NUDCD1: variants seen among roughly 807,000 people sequenced by gnomAD.
NUDCD1 encodes NudC domain containing 1.
A neutral mutation model predicts 67.8 loss-of-function variants in NUDCD1; 60 were observed. The ratio of observed to expected loss-of-function variants is 0.88; its 90% CI spans 0.72 to 1.10. The LOEUF is 1.10. NUDCD1 is among the 50% of genes least tolerant of loss of function. The pLI, the probability that NUDCD1 is intolerant of heterozygous loss-of-function variation, is 0.00. For synonymous variants in NUDCD1, 244 were observed against 230.8 expected (o/e 1.06, Z -0.52); for missense variants, 643 against 695.0 (o/e 0.93, Z 0.84).
rs1221650634 is a variant in NUDCD1 at position 109,333,999 on chromosome 8, C to T, written c.12G>A (p.Ala4=). The change falls in exon 1 of 10, where the codon GCG becomes GCA. Residue 4 remains alanine (A), a synonymous_variant. Coordinates refer to ENST00000239690, the MANE Select transcript of NUDCD1 (RefSeq NM_032869.4). MEV[A]ANCSLRVKRP... ...TCTTCACCCGTAGGGAGCAATTAGCCGCCACCTCCATCGCTTTCCAGGGCC... is the reference window on the plus strand; with the variant it reads ...TCTTCACCCGTAGGGAGCAATTAGCTGCCACCTCCATCGCTTTCCAGGGCC... 1 of 1,614,046 alleles carries T rather than the reference C, an allele frequency of 6.2e-7. No homozygotes were observed.
chr8:109,246,669 C>T (rs1187630803), intron 8 of NUDCD1, among the ~76,000 whole-genome samples: 2 of 152,132 alleles, frequency 1.3e-5, no homozygotes, highest in East Asian at 3.8e-4. Context: ...TAAGGATAGT[C>T]TTCTTTATGA....
rs1274423963 is a variant in NUDCD1, at chr8:109,243,215, G to A, written c.1546C>T (p.Arg516Ter). 5.6e-6 allele frequency: 9 copies of A among 1,613,490 alleles called. No homozygotes were observed. Among genetic ancestry groups the A allele is most frequent in the Admixed American group, 1.7e-5 (1 of 59,980 alleles). ...GCAGGCTGACGATAGATGAATACTCGACGAAGGCACTCACAAAGGGCTGCA... is the reference window on the plus strand; with the variant it reads ...GCAGGCTGACGATAGATGAATACTCAACGAAGGCACTCACAAAGGGCTGCA... ...SYAALCECLR[R>*]VFIYRQPAPM... is the part of the protein sequence containing the mutation. Residue 516 changes from arginine (R) to a stop codon, truncating the protein, a stop_gained, in exon 10 of 10, where the codon CGA (arginine) becomes TGA (stop). Transcript: ENST00000239690. LOFTEE classifies it high-confidence loss of function.
In NUDCD1 at chr8:109,266,514, G is replaced by A. The variant is rs867086994; in HGVS notation, c.1299+4491C>T. Among the ~76,000 whole-genome samples, 34 of 151,396 alleles carry A rather than the reference G, an allele frequency of 2.2e-4. 1 individual carries two copies. The South Asian group carries it at 3.5e-3, about 16-fold the overall frequency. ...CCACCTCGGCCTCCCAAAGTGCTGG[G>A]ATTACAGGTGTGAGCCACCTCGCCC... On this transcript the variant is annotated intron_variant, in intron 8 of 9. Transcript: ENST00000239690.
chr8:109,319,438 C>A (rs879398444), intron 2 of NUDCD1, among the ~76,000 whole-genome samples: 2 of 152,188 alleles, frequency 1.3e-5, no homozygotes, highest in Non-Finnish European at 2.9e-5. Context: ...AGCGTATCAA[C>A]CTCTAGAATA....
intron 5 of NUDCD1, among the ~76,000 whole-genome samples, chr8:109,287,560 A>ATCCT (rs1281068242): frequency 2.6e-5 from 4 of 152,082 alleles, no homozygotes; most frequent in African/African-American, 7.2e-5. Flanking sequence ...ATACCACATG[A>ATCCT]CCTCACTTAT....
At chr8:109,270,542 C>T (rs1397815639) in intron 8 of NUDCD1, among the ~76,000 whole-genome samples, 1 of 152,066 alleles carries the variant, frequency 6.6e-6, no homozygotes, top group Non-Finnish European at 1.5e-5. Flanking sequence ...GAAAAGGCTT[C>T]ATATGACAGA....
intron 1 of NUDCD1, among the ~76,000 whole-genome samples, chr8:109,323,046 G>T (rs1815580025): frequency 6.6e-6 from 1 of 152,172 alleles, no homozygotes; most frequent in Non-Finnish European, 1.5e-5. Context: ...ACAGAACAGA[G>T]ATTTCTTCAC....
rs377660743 is a variant in NUDCD1, at chr8:109,321,185, G to A, written c.273+1124C>T. Among the ~76,000 whole-genome samples, 313 of 152,254 alleles carry A rather than the reference G, an allele frequency of 2.1e-3. 6 individuals are homozygous for A. In the South Asian group the frequency reaches 0.031, roughly 15 times the overall value. The stretch of plus-strand genomic sequence containing the variant: ...ACTCTGTAGATGCAATGCGCAGGAG[G>A]GCTAGAAGGAATAGAGTACTTAGGA... On this transcript the variant is annotated intron_variant, in intron 2 of 9. Coordinates refer to ENST00000239690, the MANE Select transcript of NUDCD1 (RefSeq NM_032869.4).
Position 109,281,164 on chromosome 8 carries a change from A to T in NUDCD1, c.832T>A (p.Tyr278Asn). 1 of 1,609,782 alleles carries T rather than the reference A, an allele frequency of 6.2e-7. No individual in the cohort carries two copies. Among genetic ancestry groups the T allele is most frequent in the Non-Finnish European group, 8.5e-7 (1 of 1,176,952 alleles). The change falls in exon 6 of 10, where the codon TAT becomes AAT. Residue 278 changes from tyrosine (Y) to asparagine (N), a missense_variant. Coordinates refer to ENST00000239690, the MANE Select transcript of NUDCD1 (RefSeq NM_032869.4). ...TCATCTTCAGTCTGTTGCCAGTAATACAGAGGTTCTATTGGGAAAAGAAAA... is the reference window on the plus strand; with the variant it reads ...TCATCTTCAGTCTGTTGCCAGTAATTCAGAGGTTCTATTGGGAAAAGAAAA... ...DISEKIKEPL[Y>N]YWQQTEDDLT...
At chr8:109,295,444 C>T (rs1196996586) in intron 3 of NUDCD1, among the ~76,000 whole-genome samples, 1 of 152,152 alleles carries the variant, frequency 6.6e-6, no homozygotes, top group Non-Finnish European at 1.5e-5. Context: ...GTGAATGCAA[C>T]AGGCTCTTGT....
chr8:109,318,939 C>G (rs1405539490), intron 2 of NUDCD1, among the ~76,000 whole-genome samples: 1 of 150,038 alleles, frequency 6.7e-6, no homozygotes, highest in Non-Finnish European at 1.5e-5. Context: ...GTCCACAGGC[C>G]AATTCCTGCC....
rs941166858 is a variant in NUDCD1 at position 109,242,351 on chromosome 8, A to G, written c.*658T>C. ...CCAACTCACTGAATCGTGAAAAATA[A>G]TAAAAGTCCTTGTTTTAAACCACTG... On this transcript the variant is annotated 3_prime_UTR_variant, in exon 10 of 10. Transcript: ENST00000239690. The G allele has an allele frequency of 5.2e-6, 2 of 387,918 alleles. No individual in the cohort carries two copies. The highest frequency in any genetic ancestry group is 2.9e-4 in the South Asian group (2 of 6,926). The allele number at this position is 387,918 out of a possible 1,614,324, so 24.0% of individuals were successfully genotyped here.
intron 7 of NUDCD1, among the ~76,000 whole-genome samples, chr8:109,273,816 G>C (rs977174357): frequency 1.3e-5 from 2 of 151,826 alleles, no homozygotes; most frequent in African/African-American, 4.8e-5. Context: ...CATTTTACAA[G>C]GTTATTATCC....
chr8:109,301,405 C>T (rs1390700075), intron 2 of NUDCD1, among the ~76,000 whole-genome samples: 2 of 152,180 alleles, frequency 1.3e-5, no homozygotes, highest in Admixed American at 6.5e-5. Flanking sequence ...ACTCCTTTTT[C>T]GGACTCAGCT....
chr8:109,321,227 T>C (rs1815526464), intron 2 of NUDCD1, among the ~76,000 whole-genome samples: 1 of 152,166 alleles, frequency 6.6e-6, no homozygotes, highest in African/African-American at 2.4e-5. Flanking sequence ...TAACAGATTA[T>C]TGGCTGTTTG....
At chr8:109,301,283 T>TC (rs1390998149) in intron 2 of NUDCD1, among the ~76,000 whole-genome samples, 1 of 152,006 alleles carries the variant, frequency 6.6e-6, no homozygotes, top group Admixed American at 6.6e-5. Context: ...TGTAATATTC[T>TC]CCCCCCGCCC....
rs781496762 is a variant in NUDCD1 at position 109,289,900 on chromosome 8, A to C, written c.674T>G (p.Ile225Ser). 1.3e-6 allele frequency: 2 copies of C among 1,522,262 alleles called. No individual in the cohort carries two copies. Among genetic ancestry groups the C allele is most frequent in the Non-Finnish European group, 1.8e-6 (2 of 1,138,700 alleles). 94.3% of individuals were successfully genotyped at this position (1,522,262 alleles called of 1,614,324 possible). The change falls in exon 5 of 10, where the codon ATT becomes AGT. Residue 225 changes from isoleucine (I) to serine (S), a missense_variant. Ile to Ser is a moderately radical substitution (Grantham distance 142). Coordinates refer to ENST00000239690, the MANE Select transcript of NUDCD1 (RefSeq NM_032869.4). ...ATGTGGCACTGACTTTCCACGGAGAATATCACGCTTAATAATTTCATATTT... is the reference window on the plus strand; with the variant it reads ...ATGTGGCACTGACTTTCCACGGAGACTATCACGCTTAATAATTTCATATTT... ...NKKYEIIKRD[I>S]LRGKSVPHYA...
intron 2 of NUDCD1, among the ~76,000 whole-genome samples, chr8:109,303,142 G>A (rs1815028008): frequency 6.6e-6 from 1 of 152,148 alleles, no homozygotes; most frequent in South Asian, 2.1e-4. Flanking sequence ...TTCCTCCTAA[G>A]CTGTCTCCCA....
At chr8:109,293,862 T>C (rs1340078410) in intron 3 of NUDCD1, among the ~76,000 whole-genome samples, 2 of 152,086 alleles carry the variant, frequency 1.3e-5, no homozygotes, top group Non-Finnish European at 2.9e-5. Context: ...TCTGGAAGTT[T>C]ACAAAGGCAA....
Sources: allele counts gnomAD v4.1 joint callset (sites outside exome capture counted in the v4.1 genomes callset), GRCh38; gene constraint gnomAD v4.1.1; transcripts MANE v1.5; gene names NCBI Gene and HGNC (gene_info 2026-07-23, HGNC 2026-07-21).